The following NRG1 variants were observed in gnomAD, a reference collection of about 807,000 sequenced individuals.
The protein encoded by NRG1 is pro-neuregulin-1, membrane-bound isoform.
NRG1 carries 18 observed loss-of-function variants against 63.8 expected under a neutral mutation model. The ratio of observed to expected loss-of-function variants is 0.28; its 90% CI spans 0.19 to 0.42. The LOEUF (loss-of-function observed/expected upper bound fraction) is 0.42. Ranked by LOEUF, NRG1 falls within the 10% of genes least tolerant of loss-of-function variation. The probability of loss-of-function intolerance (pLI) is 1.00; values close to 1 mark genes in which losing one functional copy is unlikely to be tolerated. For synonymous variants in NRG1, 302 were observed against 301.3 expected (o/e 1.00, Z -0.02); for missense variants, 762 against 814.7 (o/e 0.94, Z 0.79).
chr8:32,682,565 G>A (rs140823314), intron 5 of NRG1, among the ~76,000 whole-genome samples: 5 of 152,254 alleles, frequency 3.3e-5, no homozygotes, highest in East Asian at 1.9e-4. Flanking sequence ...GAAGATAAAT[G>A]TAATATTCTA....
In NRG1 at chr8:32,318,472, G is replaced by C. The variant is rs1801011261; in HGVS notation, c.38-277356G>C. ...AATGTTTTTGCATAAGGAGACATTG[G>C]CACCAAGAAGTTAAGTGACTTAACC... On this transcript the variant is annotated intron_variant, in intron 1 of 10. Coordinates refer to the NRG1 transcript ENST00000519301. 3.3e-5 allele frequency among the ~76,000 whole-genome samples: 5 copies of C among 152,070 alleles called. No homozygotes were observed. In the South Asian group the frequency reaches 1.0e-3, roughly 32 times the overall value.
intron 1 of NRG1, among the ~76,000 whole-genome samples, chr8:32,045,777 T>C (rs1037643673): frequency 2.6e-5 from 4 of 152,002 alleles, no homozygotes; most frequent in Admixed American, 6.6e-5. Context: ...AAATGCAACC[T>C]AATCCTCACA....
intron 1 of NRG1, among the ~76,000 whole-genome samples, chr8:31,806,609 A>C (rs966184024): frequency 7.2e-5 from 11 of 152,188 alleles, no homozygotes; most frequent in African/African-American, 2.4e-4. Flanking sequence ...AAATTGCTCA[A>C]CCTAATACCC....
chr8:32,649,159 CTTTTT>C (rs35558760), intron 5 of NRG1, among the ~76,000 whole-genome samples: 2 of 123,362 alleles, frequency 1.6e-5, no homozygotes, highest in Non-Finnish European at 3.4e-5. Context: ...TGAGGTACAT[CTTTTT>C]TTTTTTTTTT....
intron 1 of NRG1, among the ~76,000 whole-genome samples, chr8:32,589,608 A>G (rs1460373029): frequency 6.6e-6 from 1 of 152,232 alleles, no homozygotes; most frequent in East Asian, 1.9e-4. Flanking sequence ...GAGTAAAGAT[A>G]TGAGCTAGCT....
chr8:32,232,538 T>C (rs890164541), intron 1 of NRG1, among the ~76,000 whole-genome samples: 1 of 152,126 alleles, frequency 6.6e-6, no homozygotes, highest in African/African-American at 2.4e-5. Flanking sequence ...CTGGTGCTTC[T>C]TCACAGGGAA....
rs543189779 is a variant in NRG1 at position 32,712,468 on chromosome 8, G to T, written c.503-15481G>T. On this transcript the variant is annotated intron_variant, in intron 5 of 11. Coordinates refer to ENST00000356819, the Ensembl canonical transcript of NRG1. ...ATGTCTCCTATTTGGCAGCAACTGC[G>T]CATGCTATTCAATCTTTAAATAATT... Among the ~76,000 whole-genome samples, 8 of 152,222 alleles carry T rather than the reference G, an allele frequency of 5.3e-5. No individual in the cohort carries two copies. The East Asian group carries it at 7.7e-4, about 15-fold the overall frequency.
chr8:32,196,943 C>CTTTTTTTTTATTTTT (rs1843010896), intron 1 of NRG1, among the ~76,000 whole-genome samples: 1 of 27,444 alleles, frequency 3.6e-5, no homozygotes, highest in Non-Finnish European at 7.2e-5. Context: ...TCAGAACATT[C>CTTTTTTTTTATTTTT]TTTTTTTTTT....
chr8:31,724,485 T>G (rs1304418529), intron 1 of NRG1, among the ~76,000 whole-genome samples: 1 of 152,146 alleles, frequency 6.6e-6, no homozygotes, highest in East Asian at 1.9e-4. Flanking sequence ...TTAGTTAATA[T>G]CATCAGGCAG....
chr8:32,365,500 G>T (rs1038973818), intron 1 of NRG1, among the ~76,000 whole-genome samples: 1 of 151,758 alleles, frequency 6.6e-6, no homozygotes, highest in South Asian at 2.1e-4. Context: ...ACTTTTATGG[G>T]TTCTTTTTTT....
intron 1 of NRG1, among the ~76,000 whole-genome samples, chr8:32,185,296 G>A (rs929056743): frequency 6.6e-6 from 1 of 152,144 alleles, no homozygotes; most frequent in Non-Finnish European, 1.5e-5. Flanking sequence ...ATTACTGTTA[G>A]TACCTCTGAA....
At chr8:32,178,669 T>A (rs1172604615) in intron 1 of NRG1, among the ~76,000 whole-genome samples, 1 of 152,066 alleles carries the variant, frequency 6.6e-6, no homozygotes, top group Non-Finnish European at 1.5e-5. Flanking sequence ...ATGGGCAAAG[T>A]CAGAGTCCAG....
At chr8:31,916,920 CATT>C in intron 1 of NRG1, among the ~76,000 whole-genome samples, 1 of 151,934 alleles carries the variant, frequency 6.6e-6, no homozygotes, top group Non-Finnish European at 1.5e-5. Flanking sequence ...GATGGTATCT[CATT>C]GTGGTTTTGA....
At chr8:32,212,421 G>T (rs944065396) in intron 1 of NRG1, among the ~76,000 whole-genome samples, 1 of 152,076 alleles carries the variant, frequency 6.6e-6, no homozygotes, top group Admixed American at 6.6e-5. Context: ...TATTCAGTGT[G>T]ATAGTTATTG....
At chr8:32,128,984 A>T (rs1834454533) in intron 1 of NRG1, among the ~76,000 whole-genome samples, 1 of 151,934 alleles carries the variant, frequency 6.6e-6, no homozygotes, top group Non-Finnish European at 1.5e-5. Flanking sequence ...ATTTCAGCAC[A>T]AAGTCACTTA....
chr8:32,126,367 C>T (rs1326560769), intron 1 of NRG1, among the ~76,000 whole-genome samples: 5 of 151,822 alleles, frequency 3.3e-5, no homozygotes, highest in Non-Finnish European at 7.4e-5. Context: ...TCCAATTGCT[C>T]TTGTTTGGGG....
intron 1 of NRG1, among the ~76,000 whole-genome samples, chr8:32,016,203 A>G (rs927913300): frequency 6.6e-6 from 1 of 152,108 alleles, no homozygotes; most frequent in Non-Finnish European, 1.5e-5. Context: ...AAAAAGATAT[A>G]TATATATTCC....
At chr8:32,282,857 T>G (rs1302360212) in intron 1 of NRG1, among the ~76,000 whole-genome samples, 1 of 152,102 alleles carries the variant, frequency 6.6e-6, no homozygotes, top group African/African-American at 2.4e-5. Flanking sequence ...GTAAAAAAAG[T>G]GTATCCATTG....
intron 1 of NRG1, among the ~76,000 whole-genome samples, chr8:32,181,796 A>G (rs561053575): frequency 6.6e-6 from 1 of 152,372 alleles, no homozygotes; most frequent in African/African-American, 2.4e-5. Context: ...AAAATGTATT[A>G]CAGAGATCAC....
Sources: allele counts gnomAD v4.1 joint callset (sites outside exome capture counted in the v4.1 genomes callset), GRCh38; gene constraint gnomAD v4.1.1; transcripts MANE v1.5; gene names NCBI Gene and HGNC (gene_info 2026-07-23, HGNC 2026-07-21).